Variants in ESRRG observed in about 807,000 individuals in gnomAD.
ESRRG encodes estrogen-related receptor gamma.
A neutral mutation model predicts 44.0 loss-of-function variants in ESRRG; 13 were observed. The ratio of observed to expected loss-of-function variants is 0.30; its 90% confidence interval spans 0.19 to 0.47. The LOEUF is 0.47. ESRRG is among the 20% of genes least tolerant of loss of function. The pLI, the probability that ESRRG is intolerant of heterozygous loss-of-function variation, is 1.00. For missense variants in ESRRG, 395 were observed against 580.6 expected (o/e 0.68, Z 3.29); for synonymous variants, 215 against 214.6 (o/e 1.00, Z -0.02).
At chr1:216,854,731 C>A (rs373792365) in intron 2 of ESRRG, among the ~76,000 whole-genome samples, 1 of 152,102 alleles carries the variant, frequency 6.6e-6, no homozygotes, top group Non-Finnish European at 1.5e-5. Context: ...AAGTAGCTCA[C>A]TTTCTCTGTT....
At chr1:216,614,068 T>C (rs1395893265) in intron 3 of ESRRG, among the ~76,000 whole-genome samples, 1 of 152,176 alleles carries the variant, frequency 6.6e-6, no homozygotes, top group Non-Finnish European at 1.5e-5. Flanking sequence ...AAACACACCA[T>C]TTTGCAGATC....
In ESRRG at chr1:216,523,589, A is replaced by T. The variant is rs140388882; in HGVS notation, c.863-4168T>A. Among the ~76,000 whole-genome samples the T allele has an allele frequency of 2.2e-3, 336 of 152,080 alleles. 4 individuals are homozygous for T. Among genetic ancestry groups the T allele is most frequent in the African/African-American group, 7.6e-3 (317 of 41,492 alleles). ...AAGCATTTGAAAGTGTGAAGGGCAA[A>T]AAATATCTGACGGCTAGTCTTCAAA... is the stretch of plus-strand genomic sequence containing the variant. On this transcript the variant is annotated intron_variant, in intron 5 of 6. Transcript: ENST00000408911.
intron 3 of ESRRG, among the ~76,000 whole-genome samples, chr1:216,592,145 TAC>T (rs2057771043): frequency 6.6e-6 from 1 of 152,214 alleles, no homozygotes; most frequent in African/African-American, 2.4e-5. Flanking sequence ...AGGAACACTC[TAC>T]AAAATAACTG....
chr1:217,106,724 A>T (rs2092601542), intron 1 of ESRRG, among the ~76,000 whole-genome samples: 1 of 152,036 alleles, frequency 6.6e-6, no homozygotes. Context: ...CCTCCTTCCC[A>T]CTGTGACCAA....
intron 2 of ESRRG, among the ~76,000 whole-genome samples, chr1:216,891,419 C>T (rs1423199777): frequency 1.3e-5 from 2 of 152,262 alleles, no homozygotes; most frequent in African/African-American, 4.8e-5. Flanking sequence ...TGCACACATA[C>T]ACATGCATGG....
intron 2 of ESRRG, among the ~76,000 whole-genome samples, chr1:216,854,606 T>A (rs1231582059): frequency 6.6e-6 from 1 of 152,084 alleles, no homozygotes; most frequent in East Asian, 1.9e-4. Flanking sequence ...CCCTTTCCAC[T>A]TTCACTTCTT....
intron 3 of ESRRG, among the ~76,000 whole-genome samples, chr1:216,587,591 C>T (rs1355961085): frequency 6.6e-6 from 1 of 152,054 alleles, no homozygotes; most frequent in Non-Finnish European, 1.5e-5. Flanking sequence ...AAAAAAAGGA[C>T]AATAATTGTT....
chr1:216,909,150 C>G (rs951169521), intron 2 of ESRRG, among the ~76,000 whole-genome samples: 1 of 152,140 alleles, frequency 6.6e-6, no homozygotes, highest in African/African-American at 2.4e-5. Context: ...CTTTGTTGAG[C>G]CTTAGACTCT....
chr1:216,932,958 C>T lies in ESRRG; in HGVS notation c.-14+6624G>A, dbSNP rs917381510. On this transcript the variant is annotated intron_variant, in intron 2 of 7. Transcript: ENST00000359162. Reference sequence around the variant, plus strand: ...GGCTTAGCAATCCTACTCTAGATAACTATCCTACAGGAGTAAGACCACAAG... The same window carrying T: ...GGCTTAGCAATCCTACTCTAGATAATTATCCTACAGGAGTAAGACCACAAG... 4.6e-5 allele frequency among the ~76,000 whole-genome samples: 7 copies of T among 151,958 alleles called. No homozygotes were observed. In the East Asian group the frequency reaches 1.4e-3, roughly 30 times the overall value.
intron 2 of ESRRG, among the ~76,000 whole-genome samples, chr1:216,820,206 A>G (rs1194928817): frequency 6.6e-6 from 1 of 152,196 alleles, no homozygotes; most frequent in East Asian, 1.9e-4. Flanking sequence ...TTCAACACTC[A>G]CAATACATAA....
chr1:217,042,447 A>G (rs947053337), intron 1 of ESRRG, among the ~76,000 whole-genome samples: 2 of 148,164 alleles, frequency 1.3e-5, no homozygotes, highest in African/African-American at 5.1e-5. Context: ...AGTAAAGGAA[A>G]AAATGCACAC....
chr1:216,710,835 T>C (rs934658069), intron 1 of ESRRG, among the ~76,000 whole-genome samples: 8 of 152,254 alleles, frequency 5.3e-5, no homozygotes, highest in South Asian at 2.1e-4. Context: ...GATTTCTTTT[T>C]TGATCTTAGT....
At chr1:216,697,008 C>T (rs1036824367) in intron 1 of ESRRG, among the ~76,000 whole-genome samples, 1 of 151,772 alleles carries the variant, frequency 6.6e-6, no homozygotes, top group East Asian at 1.9e-4. Flanking sequence ...CTCTGTTGCC[C>T]GGGCCAGAGT....
At chr1:216,675,158 C>T (rs1036299549) in intron 2 of ESRRG, among the ~76,000 whole-genome samples, 6 of 151,768 alleles carry the variant, frequency 4.0e-5, no homozygotes, top group African/African-American at 1.2e-4. Flanking sequence ...GTCGGGAGTT[C>T]GAGACCAGCC....
intron 2 of ESRRG, among the ~76,000 whole-genome samples, chr1:216,793,341 G>T (rs991362084): frequency 1.3e-5 from 2 of 152,180 alleles, no homozygotes; most frequent in Non-Finnish European, 2.9e-5. Context: ...TACAGCAGGG[G>T]TGAAGGTATG....
chr1:216,528,447 G>A (rs184378865), intron 5 of ESRRG, among the ~76,000 whole-genome samples: 90 of 152,044 alleles, frequency 5.9e-4, no homozygotes, highest in African/African-American at 2.0e-3. Context: ...TTACTTTTTT[G>A]TTATTTATAA....
chr1:217,071,381 T>C (rs1008983110), intron 1 of ESRRG, among the ~76,000 whole-genome samples: 1 of 152,194 alleles, frequency 6.6e-6, no homozygotes, highest in Non-Finnish European at 1.5e-5. Flanking sequence ...CTGTCACTTA[T>C]TAGTCTGTGT....
chr1:217,128,315 T>C (rs1050536913), intron 1 of ESRRG, among the ~76,000 whole-genome samples: 1 of 152,244 alleles, frequency 6.6e-6, no homozygotes, highest in Non-Finnish European at 1.5e-5. Context: ...TTTAATAATG[T>C]CCATTGATAT....
chr1:217,075,620 T>A (rs1336859704), intron 1 of ESRRG, among the ~76,000 whole-genome samples: 3 of 146,260 alleles, frequency 2.1e-5, no homozygotes, highest in African/African-American at 7.4e-5. Flanking sequence ...CTAGAGTCTA[T>A]TCTTTTATAT....
Sources: gnomAD v4.1 joint callset for allele counts (sites outside exome capture counted in the v4.1 genomes callset) on GRCh38, gnomAD v4.1.1 for gene constraint, MANE v1.5 for transcripts, NCBI Gene and HGNC (gene_info 2026-07-23, HGNC 2026-07-21) for gene names.